Variants in TCF4 observed in about 807,000 individuals in gnomAD.
TCF4 encodes SL3-3 enhancer factor 2.
TCF4 carries 3 observed loss-of-function variants against 82.1 expected under a neutral mutation model. The observed-to-expected ratio is 0.04, with a 90% confidence interval of 0.02 to 0.09. The LOEUF (loss-of-function observed/expected upper bound fraction) is 0.09, where lower values mean the gene tolerates loss of function less well. Among genes scored for constraint, TCF4 ranks in the 10% least tolerant of loss-of-function variants. TCF4 has a pLI of 1.00. For missense variants in TCF4, 518 were observed against 852.7 expected (o/e 0.61, Z 4.89); for synonymous variants, 276 against 309.6 (o/e 0.89, Z 1.14).
At chr18:55,632,541 G>T (rs913800048) in intron 1 of TCF4, among the ~76,000 whole-genome samples, 2 of 152,120 alleles carry the variant, frequency 1.3e-5, no homozygotes, top group East Asian at 3.9e-4. Flanking sequence ...GCAAACCCAG[G>T]TTTAGGCTCA....
rs2051530675 is a variant in TCF4 at position 55,242,372 on chromosome 18, G to A, written c.1351-7689C>T. Reference sequence around the variant, plus strand: ...GAACTGCACAGGTCACTGCACGGGAGTGTAATAGTACAATGTGCAGTTAGA... The same window carrying A: ...GAACTGCACAGGTCACTGCACGGGAATGTAATAGTACAATGTGCAGTTAGA... On this transcript the variant is annotated intron_variant, in intron 15 of 19. Coordinates refer to ENST00000354452, the MANE Select transcript of TCF4 (RefSeq NM_001083962.2). Among the ~76,000 whole-genome samples, 3 of 150,602 alleles carry A rather than the reference G, an allele frequency of 2.0e-5. No individual in the cohort carries two copies. The South Asian group carries it at 6.3e-4, about 32-fold the overall frequency.
At chr18:55,430,522 T>C (rs903264664) in intron 5 of TCF4, among the ~76,000 whole-genome samples, 3 of 152,116 alleles carry the variant, frequency 2.0e-5, no homozygotes, top group Admixed American at 1.3e-4. Flanking sequence ...TGAAGATACA[T>C]GGGTGACCCA....
chr18:55,336,939 T>C (rs377215926), intron 8 of TCF4, among the ~76,000 whole-genome samples: 1 of 152,190 alleles, frequency 6.6e-6, no homozygotes, highest in East Asian at 1.9e-4. Context: ...AATTTATTCA[T>C]ATGTTAGTTA....
rs2093825345 is a variant in TCF4, at chr18:55,401,632, T to C, written c.369+1822A>G. Reference sequence around the variant, plus strand: ...ACTTCAGTTTCACCCGAGGGAAGTATTCCCCACAAACGGAGAAAGGAGGGT... The same window carrying C: ...ACTTCAGTTTCACCCGAGGGAAGTACTCCCCACAAACGGAGAAAGGAGGGT... On this transcript the variant is annotated intron_variant, in intron 6 of 19. Coordinates refer to ENST00000354452, the MANE Select transcript of TCF4 (RefSeq NM_001083962.2). The C allele has an allele frequency of 5.1e-6, 5 of 989,144 alleles. No individual in the cohort carries two copies. The South Asian group carries it at 2.3e-4, about 46-fold the overall frequency. The allele number at this position is 989,144 out of a possible 1,614,324, so 61.3% of individuals were successfully genotyped here.
chr18:55,525,167 T>C (rs2096968685), intron 3 of TCF4, among the ~76,000 whole-genome samples: 2 of 152,112 alleles, frequency 1.3e-5, no homozygotes, highest in Non-Finnish European at 2.9e-5. Context: ...CAGTTTTAAA[T>C]GTCTCCTGTG....
At chr18:55,238,747 T>C (rs2050301108) in intron 15 of TCF4, among the ~76,000 whole-genome samples, 1 of 152,216 alleles carries the variant, frequency 6.6e-6, no homozygotes, top group Non-Finnish European at 1.5e-5. Context: ...TGCCCTCTCA[T>C]GATGACAGAT....
chr18:55,610,828 TGAGCTGG>T (rs1568491555), intron 2 of TCF4, among the ~76,000 whole-genome samples: 1 of 152,178 alleles, frequency 6.6e-6, no homozygotes, highest in Non-Finnish European at 1.5e-5. Context: ...GCATTTTACA[TGAGCTGG>T]ATTTAATATA....
At chr18:55,589,504 C>T (rs549261509), upstream of TCF4, 1,036 of 1,052,102 alleles carry the variant, frequency 9.8e-4, no homozygotes, top group Middle Eastern at 1.3e-3. Context: ...AAAACTGCAA[C>T]AAAATTCCCT....
intron 8 of TCF4, among the ~76,000 whole-genome samples, chr18:55,326,458 A>T (rs1469221826): frequency 1.4e-4 from 21 of 150,730 alleles, no homozygotes; most frequent in Admixed American, 1.4e-3. Flanking sequence ...ACTTAGGTGA[A>T]GTCTGCTAAA....
At chr18:55,395,108 A>G (rs944431926) in intron 6 of TCF4, among the ~76,000 whole-genome samples, 3 of 152,244 alleles carry the variant, frequency 2.0e-5, no homozygotes, top group Admixed American at 6.5e-5. Flanking sequence ...ATGACGTTCA[A>G]TAAATATTTC....
intron 6 of TCF4, chr18:55,401,318 C>T (rs1031596408): frequency 1.7e-5 from 20 of 1,170,968 alleles, no homozygotes; most frequent in Non-Finnish European, 2.0e-5. Context: ...GAGATTGCTG[C>T]GACCACGCTA....
intron 3 of TCF4, among the ~76,000 whole-genome samples, chr18:55,553,661 A>G (rs1174584535): frequency 6.6e-6 from 1 of 152,232 alleles, no homozygotes; most frequent in Non-Finnish European, 1.5e-5. Flanking sequence ...ACAGCAGATC[A>G]GTAAATATCC....
chr18:55,451,051 T>C (rs1199108019), intron 5 of TCF4, among the ~76,000 whole-genome samples: 1 of 152,222 alleles, frequency 6.6e-6, no homozygotes, highest in African/African-American at 2.4e-5. Flanking sequence ...TACTGTTTTG[T>C]GGACTGGCTA....
chr18:55,277,701 T>TA (rs1031742397), intron 9 of TCF4, among the ~76,000 whole-genome samples: 2 of 151,848 alleles, frequency 1.3e-5, no homozygotes, highest in African/African-American at 4.8e-5. Context: ...AGCCTACTGA[T>TA]ATAATCTACC....
chr18:55,608,753 C>A (rs1326902279), intron 2 of TCF4, among the ~76,000 whole-genome samples: 2 of 152,138 alleles, frequency 1.3e-5, no homozygotes, highest in Non-Finnish European at 2.9e-5. Context: ...GCCTATAATA[C>A]ACCCTCAATA....
chr18:55,351,761 TATTAC>T (rs1469772392), intron 6 of TCF4: 1 of 672,600 alleles, frequency 1.5e-6, no homozygotes, highest in African/African-American at 2.0e-5. Context: ...GATTATATAA[TATTAC>T]ATTTTCTAAA....
At chr18:55,494,939 C>G (rs1186140350) in intron 3 of TCF4, among the ~76,000 whole-genome samples, 1 of 149,258 alleles carries the variant, frequency 6.7e-6, no homozygotes, top group Non-Finnish European at 1.5e-5. Flanking sequence ...CTATAAAGAT[C>G]TGAAACAGAT....
chr18:55,379,818 G>A (rs1356478908), intron 6 of TCF4, among the ~76,000 whole-genome samples: 2 of 152,128 alleles, frequency 1.3e-5, no homozygotes, highest in African/African-American at 2.4e-5. Context: ...AACAGTTCCG[G>A]AGGCTAGAAT....
intron 6 of TCF4, among the ~76,000 whole-genome samples, chr18:55,394,443 T>C (rs965965957): frequency 2.0e-5 from 3 of 152,306 alleles, no homozygotes; most frequent in Middle Eastern, 3.4e-3. Flanking sequence ...AAATTGTTCA[T>C]TGGAAGATGT....
Sources: gnomAD v4.1 joint callset for allele counts (sites outside exome capture counted in the v4.1 genomes callset) on GRCh38, gnomAD v4.1.1 for gene constraint, MANE v1.5 for transcripts, NCBI Gene and HGNC (gene_info 2026-07-23, HGNC 2026-07-21) for gene names.